The following MMD2 variants were observed in gnomAD, a reference collection of about 807,000 sequenced individuals.
The protein encoded by MMD2 is monocyte to macrophage differentiation factor 2.
Under a neutral mutation model 33.5 loss-of-function variants are expected in MMD2, and 30 were observed. That is an observed-to-expected ratio of 0.90 (90% CI 0.67 to 1.22). The LOEUF (loss-of-function observed/expected upper bound fraction) is 1.22. MMD2 is among the 50% of genes most tolerant of loss of function. The probability of loss-of-function intolerance (pLI) is 0.00; values close to 1 mark genes in which losing one functional copy is unlikely to be tolerated. For missense variants in MMD2, 364 were observed against 325.4 expected, an observed-to-expected ratio of 1.12 and a Z score of -0.91; for synonymous variants, 129 against 123.0, an observed-to-expected ratio of 1.05 and a Z score of -0.32.
Position 4,920,215 on chromosome 7 carries a change from C to T in MMD2, c.246G>A (p.Val82=). The T allele has an allele frequency of 6.3e-7, 1 of 1,576,734 alleles. No individual in the cohort carries two copies. The change falls in exon 3 of 7, where the codon GTG becomes GTA. Residue 82 remains valine (V), a synonymous_variant. Transcript: ENST00000401401. The part of the protein sequence containing the change: ...YGLGLCGLFV[V]STVFHTISWK... ...AGGAGATGGTGTGAAACACAGTGGA[C>T]ACCACGAAGAGGCCGCAGAGGCCGA...
In MMD2 at chr7:4,907,354, T is replaced by A. The variant is rs1784889146; in HGVS notation, c.*42A>T. 2 of 1,596,646 alleles carry A rather than the reference T, an allele frequency of 1.3e-6. No individual in the cohort carries two copies. The highest frequency in any genetic ancestry group is 1.7e-6 in the Non-Finnish European group (2 of 1,165,682). ...TGGGTTAACGTTCACAGAAACGTGC[T>A]CCACTCCTAAAGCCCAAACGACCTC... On this transcript the variant is annotated 3_prime_UTR_variant, in exon 7 of 7. Transcript: ENST00000401401.
intron 3 of MMD2, among the ~76,000 whole-genome samples, chr7:4,916,826 G>A (rs776661302): frequency 5.9e-5 from 9 of 152,104 alleles, no homozygotes; most frequent in African/African-American, 1.2e-4. Context: ...ATTCCAGAGC[G>A]TTGGGAGGCT....
chr7:4,909,538 G>A (rs1784952556), intron 6 of MMD2, among the ~76,000 whole-genome samples: 1 of 152,024 alleles, frequency 6.6e-6, no homozygotes, highest in Non-Finnish European at 1.5e-5. Context: ...TGCATCCCAG[G>A]TTCAAGACAT....
At chr7:4,948,257 T>C (rs897448612) in intron 1 of MMD2, among the ~76,000 whole-genome samples, 3 of 152,158 alleles carry the variant, frequency 2.0e-5, no homozygotes, top group African/African-American at 7.2e-5. Context: ...CCGGGTGTGG[T>C]AGCTCACACC....
intron 1 of MMD2, among the ~76,000 whole-genome samples, chr7:4,942,721 T>G (rs1785944791): frequency 6.6e-6 from 1 of 151,904 alleles, no homozygotes; most frequent in African/African-American, 2.4e-5. Context: ...CAAGCGATTC[T>G]CCTGCCTCCG....
chr7:4,926,048 C>T (rs572390848), intron 1 of MMD2, among the ~76,000 whole-genome samples: 13 of 152,168 alleles, frequency 8.5e-5, no homozygotes, highest in African/African-American at 2.9e-4. Flanking sequence ...TCAGGTGATC[C>T]GCCCGCCTCA....
At chr7:4,932,678 A>G (rs996909001) in intron 1 of MMD2, among the ~76,000 whole-genome samples, 5 of 149,564 alleles carry the variant, frequency 3.3e-5, no homozygotes, top group Non-Finnish European at 5.9e-5. Flanking sequence ...ACTGAAGTGC[A>G]GTGGCATGAT....
At chr7:4,918,603 C>G (rs896074781) in intron 3 of MMD2, among the ~76,000 whole-genome samples, 4 of 151,750 alleles carry the variant, frequency 2.6e-5, no homozygotes, top group Admixed American at 6.6e-5. Context: ...CGTGCCTCAG[C>G]CCCCTGAGTA....
At chr7:4,923,546 G>C (rs1327713482) in intron 2 of MMD2, among the ~76,000 whole-genome samples, 1 of 152,108 alleles carries the variant, frequency 6.6e-6, no homozygotes, top group Admixed American at 6.6e-5. Context: ...TACAGATAAG[G>C]AAACTGAGGC....
intron 6 of MMD2, among the ~76,000 whole-genome samples, chr7:4,909,363 A>G (rs544233851): frequency 1.5e-3 from 226 of 147,852 alleles, no homozygotes; most frequent in African/African-American, 5.2e-3. Context: ...AGCAAGAAGA[A>G]CCTGCCAAGC....
chr7:4,959,076 T>C lies in MMD2; in HGVS notation c.-59A>G, dbSNP rs2115172546. 2 of 1,226,722 alleles carry C rather than the reference T, an allele frequency of 1.6e-6. No individual in the cohort carries two copies. The highest frequency in any genetic ancestry group is 1.6e-5 in the African/African-American group (1 of 63,264). 76.0% of individuals were successfully genotyped at this position (1,226,722 alleles called of 1,614,324 possible). On this transcript the variant is annotated 5_prime_UTR_variant, in exon 1 of 7. Transcript: ENST00000401401. ...CAGAGCGCGGGTAGCTGGCAGAGCC[T>C]GGGGGGCGCGGCGGCGGCAGCAGCA...
the MMD2 span, among the ~76,000 whole-genome samples, chr7:4,896,938 C>G: frequency 6.6e-6 from 1 of 152,042 alleles, no homozygotes; most frequent in African/African-American, 2.4e-5. Context: ...CAGCTCACTG[C>G]AACCTCCACC....
chr7:4,952,688 GAT>G (rs1562497748), intron 1 of MMD2, among the ~76,000 whole-genome samples: 1 of 107,242 alleles, frequency 9.3e-6, no homozygotes, highest in Non-Finnish European at 1.9e-5. Flanking sequence ...CTCCGTATGA[GAT>G]TTTTTTTTTT....
At chr7:4,934,057 G>A (rs1785668947) in intron 1 of MMD2, among the ~76,000 whole-genome samples, 1 of 150,262 alleles carries the variant, frequency 6.7e-6, no homozygotes, top group Non-Finnish European at 1.5e-5. Context: ...AGCCTCCCAA[G>A]TAGCTGGGAT....
chr7:4,953,648 T>G (rs1378938592), intron 1 of MMD2, among the ~76,000 whole-genome samples: 1 of 151,430 alleles, frequency 6.6e-6, no homozygotes, highest in Non-Finnish European at 1.5e-5. Flanking sequence ...TTTTTGTATT[T>G]TTAGTAGAGA....
chr7:4,899,097 T>G, the MMD2 span, among the ~76,000 whole-genome samples: 1 of 152,138 alleles, frequency 6.6e-6, no homozygotes, highest in African/African-American at 2.4e-5. Flanking sequence ...AGAGAGCTGC[T>G]TTGCCCATGT....
At chr7:4,950,216 A>G (rs1348899661) in intron 1 of MMD2, among the ~76,000 whole-genome samples, 2 of 151,996 alleles carry the variant, frequency 1.3e-5, no homozygotes, top group East Asian at 3.9e-4. Context: ...CTCCTGCCTC[A>G]GTCTCCTGAG....
chr7:4,899,220 C>T, the MMD2 span, among the ~76,000 whole-genome samples: 74 of 152,070 alleles, frequency 4.9e-4, no homozygotes, highest in Admixed American at 1.2e-3. Flanking sequence ...CCTCCAGAAC[C>T]GTGAGAAATA....
chr7:4,916,888 C>T (rs1162890849), intron 3 of MMD2, among the ~76,000 whole-genome samples: 1 of 151,934 alleles, frequency 6.6e-6, no homozygotes, highest in Non-Finnish European at 1.5e-5. Context: ...CTGGGCAACA[C>T]AGTGAGACCT....
Sources: allele counts gnomAD v4.1 joint callset (sites outside exome capture counted in the v4.1 genomes callset), GRCh38; gene constraint gnomAD v4.1.1; transcripts MANE v1.5; gene names NCBI Gene and HGNC (gene_info 2026-07-23, HGNC 2026-07-21).